The following DCC variants were observed in gnomAD, a reference collection of about 807,000 sequenced individuals.
DCC encodes DCC netrin 1 receptor, also known as netrin receptor DCC.
A neutral mutation model predicts 172.5 loss-of-function variants in DCC; 58 were observed. That is an observed-to-expected ratio of 0.34 (90% confidence interval 0.27 to 0.42). The LOEUF (loss-of-function observed/expected upper bound fraction) is 0.42. Ranked by LOEUF, DCC falls within the 10% of genes least tolerant of loss-of-function variation. The pLI is 1.00. For missense variants in DCC, 1,740 were observed against 1,791.0 expected, an observed-to-expected ratio of 0.97 and a Z score of 0.51; for synonymous variants, 709 against 644.5, an observed-to-expected ratio of 1.10 and a Z score of -1.52.
intron 7 of DCC, among the ~76,000 whole-genome samples, chr18:53,075,543 ATT>A (rs145928746): frequency 0.26 from 36,635 of 140,884 alleles, 4,910 homozygotes; most frequent in East Asian, 0.36. Context: ...GTGTTATCCC[ATT>A]TTTTTTTTTT....
intron 22 of DCC, among the ~76,000 whole-genome samples, chr18:53,449,685 G>A (rs1297933807): frequency 1.3e-5 from 2 of 152,230 alleles, no homozygotes; most frequent in South Asian, 2.1e-4. Flanking sequence ...GTACAAAGTA[G>A]CATCTCTTCT....
chr18:52,593,156 G>T (rs547670470), intron 1 of DCC, among the ~76,000 whole-genome samples: 1 of 152,240 alleles, frequency 6.6e-6, no homozygotes, highest in South Asian at 2.1e-4. Context: ...TCTCCCTGCA[G>T]TGTGTTATCC....
intron 22 of DCC, among the ~76,000 whole-genome samples, chr18:53,436,560 T>C (rs1474934571): frequency 1.3e-5 from 2 of 152,314 alleles, no homozygotes; most frequent in African/African-American, 4.8e-5. Context: ...AGGATATATA[T>C]ATATACAGAG....
chr18:52,545,271 G>A (rs1165011483), intron 1 of DCC, among the ~76,000 whole-genome samples: 6 of 152,162 alleles, frequency 3.9e-5, no homozygotes, highest in East Asian at 1.9e-4. Flanking sequence ...GGCAATTCTC[G>A]AGATTGCCTT....
chr18:53,187,490 G>A lies in DCC; in HGVS notation c.1573+8374G>A, dbSNP rs977139772. 3.3e-5 allele frequency among the ~76,000 whole-genome samples: 5 copies of A among 152,030 alleles called. No individual in the cohort carries two copies. In the East Asian group the frequency reaches 5.8e-4, roughly 18 times the overall value. On this transcript the variant is annotated intron_variant, in intron 9 of 28. Coordinates refer to ENST00000442544, the MANE Select transcript of DCC (RefSeq NM_005215.4). ...TTGTGTAATTAATGCATAATCTAACGCAGATATAATTTGATGCACAAACCA... is the reference window on the plus strand; with the variant it reads ...TTGTGTAATTAATGCATAATCTAACACAGATATAATTTGATGCACAAACCA...
intron 25 of DCC, 69 bp downstream of exon 25, chr18:53,468,079 C>G (rs1465778568): frequency 1.2e-6 from 1 of 840,078 alleles, no homozygotes; most frequent in Non-Finnish European, 2.1e-6. Context: ...TATAAAAAAT[C>G]AAATTATCAA....
intron 1 of DCC, among the ~76,000 whole-genome samples, chr18:52,669,520 G>T (rs2144965723): frequency 6.6e-6 from 1 of 152,300 alleles, no homozygotes; most frequent in South Asian, 2.1e-4. Flanking sequence ...TTAGAACCAA[G>T]ATGGAATTGG....
chr18:52,598,913 T>C (rs564803517), intron 1 of DCC, among the ~76,000 whole-genome samples: 25 of 152,132 alleles, frequency 1.6e-4, no homozygotes, highest in Admixed American at 3.9e-4. Context: ...TGTCCTCCTA[T>C]GGCAGAAGGG....
chr18:52,964,819 C>T (rs114753074), intron 5 of DCC, among the ~76,000 whole-genome samples: 1,878 of 152,262 alleles, frequency 0.012, 41 homozygotes, highest in African/African-American at 0.043. Flanking sequence ...CAGAAATCAG[C>T]GCGTTGGCAA....
intron 1 of DCC, among the ~76,000 whole-genome samples, chr18:52,547,215 T>C (rs1427693271): frequency 6.6e-6 from 1 of 152,190 alleles, no homozygotes; most frequent in Non-Finnish European, 1.5e-5. Context: ...TCTTGCCAAA[T>C]TGGCAAGCTG....
At chr18:53,308,747 C>A (rs1449250162) in intron 13 of DCC, among the ~76,000 whole-genome samples, 1 of 152,160 alleles carries the variant, frequency 6.6e-6, no homozygotes, top group African/African-American at 2.4e-5. Context: ...CGCAGTACGG[C>A]AACTATTAGC....
intron 5 of DCC, among the ~76,000 whole-genome samples, chr18:53,040,115 T>A (rs2042148922): frequency 6.6e-6 from 1 of 151,820 alleles, no homozygotes; most frequent in African/African-American, 2.4e-5. Context: ...AAAGAAAAAG[T>A]CAAGTGTGAA....
chr18:52,410,174 A>G (rs1568156986), intron 1 of DCC, among the ~76,000 whole-genome samples: 1 of 152,186 alleles, frequency 6.6e-6, no homozygotes, highest in Non-Finnish European at 1.5e-5. Flanking sequence ...CTGTCATCCC[A>G]GCACTTTGGG....
intron 2 of DCC, among the ~76,000 whole-genome samples, chr18:52,827,577 A>T (rs1045190391): frequency 6.6e-6 from 1 of 152,244 alleles, no homozygotes; most frequent in Admixed American, 6.5e-5. Context: ...AGAAAACAAT[A>T]TTAAATGAAA....
At chr18:52,598,496 G>A (rs2033952384) in intron 1 of DCC, among the ~76,000 whole-genome samples, 1 of 152,128 alleles carries the variant, frequency 6.6e-6, no homozygotes, top group Admixed American at 6.6e-5. Context: ...AGGAGTGAAC[G>A]CTTTTCTATA....
chr18:53,055,339 G>T (rs894847661), intron 5 of DCC, among the ~76,000 whole-genome samples: 3 of 151,984 alleles, frequency 2.0e-5, no homozygotes, highest in Non-Finnish European at 4.4e-5. Context: ...TATCCCACTT[G>T]GGCTTACACC....
chr18:53,310,763 G>T (rs2057256216), intron 13 of DCC, among the ~76,000 whole-genome samples: 1 of 152,038 alleles, frequency 6.6e-6, no homozygotes, highest in African/African-American at 2.4e-5. Flanking sequence ...TTATAACAGG[G>T]CTAACATTGG....
At chr18:52,743,839 A>G (rs2036865069) in intron 1 of DCC, among the ~76,000 whole-genome samples, 1 of 152,186 alleles carries the variant, frequency 6.6e-6, no homozygotes, top group East Asian at 1.9e-4. Context: ...GAAGAGAAAA[A>G]GAAGAATCAG....
At chr18:53,486,997 A>T (rs201879367) in intron 26 of DCC, 39 bp downstream of exon 26, 2 of 1,612,770 alleles carry the variant, frequency 1.2e-6, no homozygotes, top group Admixed American at 3.3e-5. Context: ...GCACAAATGA[A>T]TAATAGCAAA....
Sources: gnomAD v4.1 joint callset for allele counts (sites outside exome capture counted in the v4.1 genomes callset) on GRCh38, gnomAD v4.1.1 for gene constraint, MANE v1.5 for transcripts, NCBI Gene and HGNC (gene_info 2026-07-23, HGNC 2026-07-21) for gene names.